The following ALKAL1 variants were observed in gnomAD, a reference collection of about 807,000 sequenced individuals.
ALKAL1 encodes ALK and LTK ligand 1.
Under a neutral mutation model 13.5 loss-of-function variants are expected in ALKAL1, and 23 were observed. The ratio of observed to expected loss-of-function variants is 1.70; its 90% CI spans 1.23 to 2.41. ALKAL1 has a LOEUF of 2.41. Ranked by LOEUF, ALKAL1 falls within the 30% of genes most tolerant of loss-of-function variation. The pLI, the probability that ALKAL1 is intolerant of heterozygous loss-of-function variation, is 0.00. For missense variants in ALKAL1, 181 were observed against 178.4 expected (o/e 1.01, Z -0.08); for synonymous variants, 85 against 77.7 (o/e 1.09, Z -0.49).
In ALKAL1 at chr8:52,565,106, C is replaced by T. The variant is rs1847586808; in HGVS notation, c.151G>A (p.Ala51Thr). 1.4e-6 allele frequency: 2 copies of T among 1,414,870 alleles called. No homozygotes were observed. 87.6% of individuals were successfully genotyped at this position (1,414,870 alleles called of 1,614,324 possible). A position where few individuals can be genotyped will look rare whatever the true frequency, so the allele number is the denominator to read the frequency against. Residue 51 changes from alanine (A) to threonine (T), a missense_variant, in exon 1 of 5, where the codon GCC (alanine) becomes ACC (threonine). Coordinates refer to ENST00000358543, the MANE Select transcript of ALKAL1 (RefSeq NM_207413.4). ...CCGCTGGGAGTCCGGCCGGCCCCGGCCGCGGGGAGGAAAAGCAACGGCTTG... is the reference window on the plus strand; with the variant it reads ...CCGCTGGGAGTCCGGCCGGCCCCGGTCGCGGGGAGGAAAAGCAACGGCTTG... ...EPKPLLFLPA[A>T]GAGRTPSGSR...
In ALKAL1 at chr8:52,534,656, T is replaced by C. The variant is rs192718762; in HGVS notation, c.*13-56A>G. The C allele has an allele frequency of 7.7e-5, 41 of 533,274 alleles. No individual in the cohort carries two copies. The East Asian group carries it at 9.9e-4, about 13-fold the overall frequency. 33.0% of individuals were successfully genotyped at this position (533,274 alleles called of 1,614,324 possible). On this transcript the variant is annotated intron_variant, in intron 4 of 4. Transcript: ENST00000358543. Reference sequence around the variant, plus strand: ...TATGACCTGGTTTTTAGAATACTTATAAATATGTACAGTTTCAACAGTTTT... The same window carrying C: ...TATGACCTGGTTTTTAGAATACTTACAAATATGTACAGTTTCAACAGTTTT...
Position 52,565,346 on chromosome 8 carries a change from A to C in ALKAL1, c.-90T>G. ...CGCGGCCCAAGAGAAGGCCAGCGGG[A>C]CCACAGCGCGGCTACGCGGCCGGCC... On this transcript the variant is annotated 5_prime_UTR_variant, in exon 1 of 5. Coordinates refer to ENST00000358543, the MANE Select transcript of ALKAL1 (RefSeq NM_207413.4). 1 of 1,067,134 alleles carries C rather than the reference A, an allele frequency of 9.4e-7. No homozygotes were observed. The highest frequency in any genetic ancestry group is 1.2e-6 in the Non-Finnish European group (1 of 823,174). 66.1% of individuals were successfully genotyped at this position (1,067,134 alleles called of 1,614,324 possible). A position where few individuals can be genotyped will look rare whatever the true frequency, so the allele number is the denominator to read the frequency against.
At chr8:52,563,569 T>G (rs1847571704) in intron 1 of ALKAL1, among the ~76,000 whole-genome samples, 1 of 152,258 alleles carries the variant, frequency 6.6e-6, no homozygotes, top group African/African-American at 2.4e-5. Context: ...TTCTGTACTT[T>G]GAGAGCCTTT....
At chr8:52,560,712 C>A (rs986706632) in intron 1 of ALKAL1, among the ~76,000 whole-genome samples, 2 of 152,146 alleles carry the variant, frequency 1.3e-5, no homozygotes, top group African/African-American at 4.8e-5. Context: ...ACAATTCCTA[C>A]AAGAAATACT....
At chr8:52,561,993 C>T (rs751761797) in intron 1 of ALKAL1, among the ~76,000 whole-genome samples, 3 of 152,206 alleles carry the variant, frequency 2.0e-5, no homozygotes, top group African/African-American at 4.8e-5. Flanking sequence ...CTCCTCTCTA[C>T]TCCCACCACG....
intron 1 of ALKAL1, among the ~76,000 whole-genome samples, chr8:52,549,528 C>T (rs981747052): frequency 7.9e-5 from 12 of 151,702 alleles, no homozygotes; most frequent in Non-Finnish European, 1.8e-4. Flanking sequence ...GTCTCTGTAT[C>T]TTCCCATGGC....
chr8:52,547,996 TG>T (rs1198099848), intron 1 of ALKAL1, among the ~76,000 whole-genome samples: 2 of 152,222 alleles, frequency 1.3e-5, no homozygotes, highest in Non-Finnish European at 2.9e-5. Flanking sequence ...ACCAGCCACA[TG>T]TCAAGTGCTC....
At chr8:52,559,573 C>T (rs943547265) in intron 1 of ALKAL1, among the ~76,000 whole-genome samples, 4 of 152,226 alleles carry the variant, frequency 2.6e-5, no homozygotes, top group African/African-American at 9.6e-5. Flanking sequence ...TGCAGATCTA[C>T]AAGCTGCACT....
intron 1 of ALKAL1, among the ~76,000 whole-genome samples, chr8:52,543,581 C>T (rs1280860204): frequency 2.0e-5 from 3 of 152,218 alleles, no homozygotes; most frequent in Non-Finnish European, 2.9e-5. Context: ...TGACAATGAA[C>T]ACCTGCACTT....
intron 1 of ALKAL1, among the ~76,000 whole-genome samples, chr8:52,560,866 T>C (rs1246241979): frequency 2.0e-5 from 3 of 152,182 alleles, no homozygotes; most frequent in Admixed American, 6.5e-5. Flanking sequence ...AAAAATCATA[T>C]ATAACCTTTT....
chr8:52,534,750 G>A, intron 4 of ALKAL1, 150 bp from the exon 5 acceptor site: 1 of 413,282 alleles, frequency 2.4e-6, no homozygotes, highest in Non-Finnish European at 4.3e-6. Context: ...TAATGTGTGT[G>A]CAGAGGGGCA....
rs555418239 is a variant in ALKAL1 at position 52,564,405 on chromosome 8, C to T, written c.190+662G>A. Among the ~76,000 whole-genome samples the T allele has an allele frequency of 8.5e-5, 13 of 152,338 alleles. No individual in the cohort carries two copies. In the East Asian group the frequency reaches 2.5e-3, roughly 29 times the overall value. On this transcript the variant is annotated intron_variant, in intron 1 of 4. Coordinates refer to ENST00000358543, the MANE Select transcript of ALKAL1 (RefSeq NM_207413.4). ...TTCCGTGTTCCCCGTATTCACACGACTTCTCTGCCTGTGGATGTCTCATGA... is the reference window on the plus strand; with the variant it reads ...TTCCGTGTTCCCCGTATTCACACGATTTCTCTGCCTGTGGATGTCTCATGA...
chr8:52,550,669 G>A (rs1017351943), intron 1 of ALKAL1, among the ~76,000 whole-genome samples: 3 of 152,078 alleles, frequency 2.0e-5, no homozygotes, highest in Non-Finnish European at 4.4e-5. Flanking sequence ...AAGTCTTGAG[G>A]GAAGGATCCT....
intron 1 of ALKAL1, among the ~76,000 whole-genome samples, chr8:52,554,750 GT>G (rs1376627042): frequency 6.6e-6 from 1 of 152,188 alleles, no homozygotes; most frequent in Non-Finnish European, 1.5e-5. Context: ...AAGAAGAGAT[GT>G]TTGGAGAGAG....
At chr8:52,549,258 A>T (rs1394452494) in intron 1 of ALKAL1, among the ~76,000 whole-genome samples, 2 of 152,086 alleles carry the variant, frequency 1.3e-5, no homozygotes, top group Admixed American at 1.3e-4. Context: ...AATACTAATA[A>T]ATCTAATCAT....
chr8:52,536,553 A>G (rs1847268571), intron 4 of ALKAL1, among the ~76,000 whole-genome samples: 1 of 152,224 alleles, frequency 6.6e-6, no homozygotes, highest in Non-Finnish European at 1.5e-5. Context: ...CTTGTAAAGT[A>G]ATAGGCTAGA....
rs757647599 is a variant in ALKAL1 at position 52,538,440 on chromosome 8, T to A, written c.*3A>T. 4 of 1,591,258 alleles carry A rather than the reference T, an allele frequency of 2.5e-6. No individual in the cohort carries two copies. Among genetic ancestry groups the A allele is most frequent in the Non-Finnish European group, 3.4e-6 (4 of 1,160,756 alleles). On this transcript the variant is annotated 3_prime_UTR_variant, in exon 4 of 5. Transcript: ENST00000358543. ...ATAAATATATACTCACAGGGTAGTT[T>A]TGCTAGGTCTGGGAGCACAGTGGAC...
At chr8:52,545,693 C>T (rs1370966810) in intron 1 of ALKAL1, among the ~76,000 whole-genome samples, 1 of 152,180 alleles carries the variant, frequency 6.6e-6, no homozygotes, top group African/African-American at 2.4e-5. Flanking sequence ...AGCAGGACCA[C>T]CTGAGGCTGT....
At chr8:52,558,621 C>A (rs930954413) in intron 1 of ALKAL1, among the ~76,000 whole-genome samples, 4 of 151,936 alleles carry the variant, frequency 2.6e-5, no homozygotes, top group African/African-American at 9.7e-5. Context: ...TTCCTGGTGT[C>A]CCCCAGCGGC....
Sources: allele counts gnomAD v4.1 joint callset (sites outside exome capture counted in the v4.1 genomes callset), GRCh38; gene constraint gnomAD v4.1.1; transcripts MANE v1.5; gene names NCBI Gene and HGNC (gene_info 2026-07-23, HGNC 2026-07-21).